PTPRG: variants seen among roughly 807,000 people sequenced by gnomAD.
PTPRG encodes the protein receptor-type tyrosine-protein phosphatase gamma.
A neutral mutation model predicts 165.3 loss-of-function variants in PTPRG; 102 were observed. The observed-to-expected ratio is 0.62, with a 90% CI of 0.53 to 0.73. The LOEUF is 0.73. PTPRG is among the 30% of genes least tolerant of loss of function. The probability of loss-of-function intolerance (pLI) is 0.00; values close to 1 mark genes in which losing one functional copy is unlikely to be tolerated. For synonymous variants in PTPRG, 675 were observed against 669.5 expected, an observed-to-expected ratio of 1.01 and a Z score of -0.13; for missense variants, 1,866 against 1,861.4, an observed-to-expected ratio of 1.00 and a Z score of -0.05.
At chr3:61,595,865 T>G (rs1700688491) in intron 1 of PTPRG, among the ~76,000 whole-genome samples, 1 of 152,230 alleles carries the variant, frequency 6.6e-6, no homozygotes, top group Non-Finnish European at 1.5e-5. Context: ...AACAAAGTGT[T>G]TAAAGAATAA....
chr3:61,767,364 TG>T (rs2034059022), intron 2 of PTPRG, among the ~76,000 whole-genome samples: 1 of 152,180 alleles, frequency 6.6e-6, no homozygotes, highest in Admixed American at 6.5e-5. Flanking sequence ...TAGTACATGA[TG>T]ATTTCCTTGT....
At chr3:61,847,397 T>A (rs2036836511) in intron 2 of PTPRG, among the ~76,000 whole-genome samples, 1 of 152,194 alleles carries the variant, frequency 6.6e-6, no homozygotes, top group East Asian at 1.9e-4. Flanking sequence ...GGCCCAGTGC[T>A]GCTGACACCT....
At chr3:61,890,809 G>T (rs2038192957) in intron 2 of PTPRG, among the ~76,000 whole-genome samples, 1 of 152,150 alleles carries the variant, frequency 6.6e-6, no homozygotes, top group Admixed American at 6.5e-5. Context: ...TTCAGCTTTT[G>T]AAAGGAGACA....
At chr3:61,690,302 C>A (rs1179882701) in intron 1 of PTPRG, among the ~76,000 whole-genome samples, 1 of 152,166 alleles carries the variant, frequency 6.6e-6, no homozygotes, top group Non-Finnish European at 1.5e-5. Context: ...TGTGAGATGG[C>A]AAAGACCCCC....
At chr3:61,596,944 G>A (rs757470333) in intron 1 of PTPRG, among the ~76,000 whole-genome samples, 1 of 152,078 alleles carries the variant, frequency 6.6e-6, no homozygotes, top group Non-Finnish European at 1.5e-5. Flanking sequence ...CTAAGACTAG[G>A]TAATTTATAG....
At chr3:61,573,917 T>G (rs537500102) in intron 1 of PTPRG, among the ~76,000 whole-genome samples, 1 of 152,326 alleles carries the variant, frequency 6.6e-6, no homozygotes, top group South Asian at 2.1e-4. Flanking sequence ...AATTCGTACC[T>G]TCTGTTGGCT....
chr3:62,292,610 TCA>T (rs1313802834), intron 29 of PTPRG, 54 bp downstream of exon 29: 1 of 1,586,392 alleles, frequency 6.3e-7, no homozygotes, highest in Non-Finnish European at 8.6e-7. Flanking sequence ...AAACTCAGAC[TCA>T]CAGTTTAGAG....
chr3:62,016,424 C>G (rs1225131178), intron 4 of PTPRG, among the ~76,000 whole-genome samples: 1 of 152,100 alleles, frequency 6.6e-6, no homozygotes, highest in Non-Finnish European at 1.5e-5. Context: ...CCTCAGCCTC[C>G]CAAAGTGCCG....
At chr3:61,751,135 T>C (rs922165799) in intron 2 of PTPRG, 1 of 152,268 alleles carries the variant, frequency 6.6e-6, no homozygotes, top group Admixed American at 6.5e-5. Flanking sequence ...GGTTGGCTCA[T>C]GCTGACGTGG....
intron 2 of PTPRG, among the ~76,000 whole-genome samples, chr3:61,865,947 T>G (rs2037394564): frequency 6.6e-6 from 1 of 152,188 alleles, no homozygotes; most frequent in African/African-American, 2.4e-5. Context: ...CAAGTCTGCA[T>G]AGTGAAGTCA....
At chr3:62,167,306 C>G (rs1477335954) in intron 7 of PTPRG, among the ~76,000 whole-genome samples, 1 of 152,188 alleles carries the variant, frequency 6.6e-6, no homozygotes, top group Non-Finnish European at 1.5e-5. Flanking sequence ...GCAAGTCACA[C>G]ATTTAGTGAC....
intron 5 of PTPRG, chr3:62,124,312 G>A (rs1222374242): frequency 6.2e-7 from 1 of 1,606,828 alleles, no homozygotes; most frequent in Admixed American, 1.7e-5. Context: ...GCGGCATCCT[G>A]GATGCCTGGT....
At chr3:62,087,004 T>G (rs1345649962) in intron 5 of PTPRG, among the ~76,000 whole-genome samples, 1 of 152,236 alleles carries the variant, frequency 6.6e-6, no homozygotes, top group African/African-American at 2.4e-5. Flanking sequence ...GAAAATCTAT[T>G]TAAATTAAAT....
rs190318502 is a variant in PTPRG at position 62,151,216 on chromosome 3, C to T, written c.683-5851C>T. Reference sequence around the variant, plus strand: ...GGAAACTGCAAGGATAACTGGGCCGCGCTGGGCTTAATGGTTGACCATGAC... The same window carrying T: ...GGAAACTGCAAGGATAACTGGGCCGTGCTGGGCTTAATGGTTGACCATGAC... On this transcript the variant is annotated intron_variant, in intron 6 of 29. Coordinates refer to ENST00000474889, the MANE Select transcript of PTPRG (RefSeq NM_002841.4). 7.9e-5 allele frequency among the ~76,000 whole-genome samples: 12 copies of T among 152,266 alleles called. No homozygotes were observed. The South Asian group carries it at 1.0e-3, about 13-fold the overall frequency.
chr3:61,738,855 A>G (rs111597935), intron 1 of PTPRG, among the ~76,000 whole-genome samples: 2,451 of 152,022 alleles, frequency 0.016, 73 homozygotes, highest in African/African-American at 0.052. Flanking sequence ...GCTCATGGCA[A>G]CCTCAGACTC....
chr3:61,819,267 A>G (rs2107247842), intron 2 of PTPRG, among the ~76,000 whole-genome samples: 1 of 152,324 alleles, frequency 6.6e-6, no homozygotes, highest in Non-Finnish European at 1.5e-5. Context: ...TATAACTTCC[A>G]TGAGCTGTTT....
At chr3:62,071,169 G>C (rs922032032) in intron 4 of PTPRG, among the ~76,000 whole-genome samples, 7 of 152,112 alleles carry the variant, frequency 4.6e-5, no homozygotes, top group Middle Eastern at 3.2e-3. Flanking sequence ...TCGTTCAGTA[G>C]ATTGCCTTCC....
chr3:62,226,615 C>A (rs899065873), intron 13 of PTPRG, among the ~76,000 whole-genome samples: 1 of 152,186 alleles, frequency 6.6e-6, no homozygotes, highest in African/African-American at 2.4e-5. Context: ...AAGTATAGAG[C>A]AGCTTTACTT....
chr3:61,703,146 A>ATT (rs2031065325), intron 1 of PTPRG, among the ~76,000 whole-genome samples: 1 of 151,168 alleles, frequency 6.6e-6, no homozygotes, highest in South Asian at 2.1e-4. Context: ...AGGAAGTTGA[A>ATT]TCTTTTTTTT....
Sources: gnomAD v4.1 joint callset for allele counts (sites outside exome capture counted in the v4.1 genomes callset) on GRCh38, gnomAD v4.1.1 for gene constraint, MANE v1.5 for transcripts, NCBI Gene and HGNC (gene_info 2026-07-23, HGNC 2026-07-21) for gene names.